C4orf51: variants seen among roughly 807,000 people sequenced by gnomAD.
The protein encoded by C4orf51 is chromosome 4 open reading frame 51, also known as uncharacterized protein C4orf51.
A neutral mutation model predicts 25.2 loss-of-function variants in C4orf51; 25 were observed. That is an observed-to-expected ratio of 0.99 (90% CI 0.72 to 1.39). The LOEUF is 1.39. Among genes scored for constraint, C4orf51 ranks in the 40% most tolerant of loss-of-function variants. C4orf51 has a pLI of 0.00. For missense variants in C4orf51, 252 were observed against 239.6 expected, an observed-to-expected ratio of 1.05 and a Z score of -0.34; for synonymous variants, 100 against 84.5, an observed-to-expected ratio of 1.18 and a Z score of -1.01.
At chr4:145,740,557 C>T (rs1733046990) in intron 1 of C4orf51, among the ~76,000 whole-genome samples, 2 of 152,204 alleles carry the variant, frequency 1.3e-5, no homozygotes, top group African/African-American at 2.4e-5. Context: ...ATAACCACCC[C>T]TTGTTTTGAA....
At chr4:145,684,407 A>G (rs1158662155) in intron 1 of C4orf51, among the ~76,000 whole-genome samples, 1 of 152,138 alleles carries the variant, frequency 6.6e-6, no homozygotes, top group Non-Finnish European at 1.5e-5. Flanking sequence ...GCGTGAACCC[A>G]GGAGGCGGAG....
intron 1 of C4orf51, among the ~76,000 whole-genome samples, chr4:145,686,636 A>T (rs1052436748): frequency 6.6e-6 from 1 of 152,198 alleles, no homozygotes; most frequent in Non-Finnish European, 1.5e-5. Flanking sequence ...GTGTATATTC[A>T]AGGAAAACTA....
At chr4:145,783,191 T>C in the C4orf51 span, among the ~76,000 whole-genome samples, 1 of 152,212 alleles carries the variant, frequency 6.6e-6, no homozygotes, top group Non-Finnish European at 1.5e-5. Context: ...TATTTATTTG[T>C]GTATCCTCAG....
Position 145,761,665 on chromosome 4 carries a change from G to C in C4orf51, n.167-9323G>C. ...TTCGGAGGCAGCCGCGCTTCTCGCC[G>C]CCTCACCAGCCTTCCCTCACACCAC... is the stretch of plus-strand genomic sequence containing the variant. On this transcript the variant is annotated intron_variant and non_coding_transcript_variant, in intron 1 of 1. Transcript: ENST00000510096. The surrounding 1 kb of genome is among the most constrained non-coding windows in gnomAD (Gnocchi z 6.8). The C allele has an allele frequency of 1.0e-6, 1 of 979,530 alleles. No homozygotes were observed. The highest frequency in any genetic ancestry group is 1.4e-6 in the Non-Finnish European group (1 of 735,124). 60.7% of individuals were successfully genotyped at this position (979,530 alleles called of 1,614,324 possible). A position where few individuals can be genotyped will look rare whatever the true frequency, so the allele number is the denominator to read the frequency against.
chr4:145,736,044 C>T (rs1732786353), downstream of C4orf51, among the ~76,000 whole-genome samples: 1 of 152,052 alleles, frequency 6.6e-6, no homozygotes, highest in Non-Finnish European at 1.5e-5. Flanking sequence ...CTCTCCTCCC[C>T]TAACCCCCTC....
At chr4:145,735,973 T>G, downstream of C4orf51, among the ~76,000 whole-genome samples, 1 of 152,216 alleles carries the variant, frequency 6.6e-6, no homozygotes, top group East Asian at 1.9e-4. Flanking sequence ...CCCTACACTC[T>G]GTTCCAGTGA....
intron 1 of C4orf51, chr4:145,764,825 AT>A: frequency 1.1e-6 from 1 of 911,800 alleles, no homozygotes; most frequent in Non-Finnish European, 1.7e-6. Flanking sequence ...GACAGGTCTA[AT>A]TCAATCCAGC....
intron 1 of C4orf51, among the ~76,000 whole-genome samples, chr4:145,681,327 ATTAG>A (rs1728827585): frequency 6.6e-6 from 1 of 152,232 alleles, no homozygotes; most frequent in Admixed American, 6.5e-5. Flanking sequence ...CCTGATAAAT[ATTAG>A]TTATATTTCC....
intron 2 of C4orf51, among the ~76,000 whole-genome samples, chr4:145,701,919 A>G (rs10013706): frequency 0.57 from 87,081 of 151,550 alleles, 25,356 homozygotes; most frequent in Admixed American, 0.66. Context: ...TCTCATTGCT[A>G]CCCTTCTCCC....
intron 1 of C4orf51, among the ~76,000 whole-genome samples, chr4:145,768,536 T>C (rs1199895116): frequency 6.6e-6 from 1 of 152,016 alleles, no homozygotes; most frequent in Non-Finnish European, 1.5e-5. Flanking sequence ...GACTTAAGAA[T>C]GTTAAGATGT....
chr4:145,699,532 C>T (rs542908912), intron 2 of C4orf51, among the ~76,000 whole-genome samples: 388 of 152,230 alleles, frequency 2.5e-3, no homozygotes, highest in Non-Finnish European at 4.5e-3. Flanking sequence ...AATTTCAATT[C>T]CTTTCATTTT....
chr4:145,689,178 C>T (rs1729370970), intron 1 of C4orf51, among the ~76,000 whole-genome samples: 1 of 151,886 alleles, frequency 6.6e-6, no homozygotes, highest in African/African-American at 2.4e-5. Flanking sequence ...CATTAGATGA[C>T]AATATGGAGA....
intron 2 of C4orf51, among the ~76,000 whole-genome samples, chr4:145,710,893 A>C (rs1347763732): frequency 6.6e-6 from 1 of 152,182 alleles, no homozygotes; most frequent in Admixed American, 6.5e-5. Flanking sequence ...GGTTGAAGAA[A>C]GCAAAGATCA....
chr4:145,770,340 AAATAAAT>A (rs763924086), intron 1 of C4orf51, among the ~76,000 whole-genome samples: 3,974 of 64,466 alleles, frequency 0.062, 93 homozygotes, highest in Middle Eastern at 0.14. Flanking sequence ...ATAAATAAAT[AAATAAAT>A]AAAATAGATC....
At position 145,765,143 on chromosome 4, in the gene C4orf51, G is replaced by A; in HGVS notation, n.167-5845G>A. 6.2e-7 allele frequency: 1 copy of A among 1,612,548 alleles called. No individual in the cohort carries two copies. The highest frequency in any genetic ancestry group is 8.5e-7 in the Non-Finnish European group (1 of 1,179,318). Reference sequence around the variant, plus strand: ...ACATGTTCTTCGTCTTGCAGACAAAGTTGCAAAAAACACATTCGAACCCTG... The same window carrying A: ...ACATGTTCTTCGTCTTGCAGACAAAATTGCAAAAAACACATTCGAACCCTG... On this transcript the variant is annotated intron_variant and non_coding_transcript_variant, in intron 1 of 1. Coordinates refer to the C4orf51 transcript ENST00000510096. This position sits in a 1 kb window ranked among gnomAD's most constrained non-coding sequence, Gnocchi z 4.7.
At chr4:145,741,665 TA>T (rs1348761505) in intron 1 of C4orf51, among the ~76,000 whole-genome samples, 1 of 152,152 alleles carries the variant, frequency 6.6e-6, no homozygotes, top group East Asian at 1.9e-4. Context: ...TGGCGAGAGC[TA>T]GGATGCATTA....
At chr4:145,698,810 G>C (rs900103983) in intron 2 of C4orf51, among the ~76,000 whole-genome samples, 2 of 152,086 alleles carry the variant, frequency 1.3e-5, no homozygotes, top group African/African-American at 4.8e-5. Context: ...ATATATTTTG[G>C]ATATTAACTC....
At chr4:145,781,219 A>C in the C4orf51 span, among the ~76,000 whole-genome samples, 1 of 119,432 alleles carries the variant, frequency 8.4e-6, no homozygotes, top group Non-Finnish European at 1.7e-5. Context: ...AAAAAAAAAG[A>C]AAAAAAAAGA....
At chr4:145,756,496 CA>C (rs1479849188), downstream of C4orf51, among the ~76,000 whole-genome samples, 1 of 152,132 alleles carries the variant, frequency 6.6e-6, no homozygotes, top group Admixed American at 6.5e-5. Flanking sequence ...GACCATTTCT[CA>C]AAGTCACTGA....
Sources: gnomAD v4.1 joint callset for allele counts (sites outside exome capture counted in the v4.1 genomes callset) on GRCh38, gnomAD v4.1.1 for gene constraint, Gnocchi (gnomAD v3.1) non-coding constraint, MANE v1.5 for transcripts, NCBI Gene and HGNC (gene_info 2026-07-23, HGNC 2026-07-21) for gene names.